Variants in LGSN observed in about 807,000 individuals in gnomAD.
LGSN encodes the protein lengsin.
Under a neutral mutation model 19.5 loss-of-function variants are expected in LGSN, and 21 were observed. The ratio of observed to expected loss-of-function variants is 1.07; its 90% CI spans 0.76 to 1.55. LGSN has a LOEUF of 1.55. LGSN is among the 40% of genes most tolerant of loss of function. The pLI is 0.00. For missense variants in LGSN, 673 were observed against 608.5 expected (o/e 1.11, Z -1.12); for synonymous variants, 257 against 215.6 (o/e 1.19, Z -1.68).
chr6:63,549,112 G>A, the LGSN span: 16 of 700,670 alleles, frequency 2.3e-5, no homozygotes, highest in Non-Finnish European at 3.6e-5. Context: ...AGGACAGGTG[G>A]TCTCTTAGTG....
the LGSN span, among the ~76,000 whole-genome samples, chr6:63,456,026 G>A: frequency 1.3e-5 from 2 of 151,426 alleles, no homozygotes; most frequent in East Asian, 3.9e-4. Flanking sequence ...TCAGGAGTTC[G>A]GGACCAGCCT....
chr6:63,302,548 A>G (rs1011065190), intron 1 of LGSN, among the ~76,000 whole-genome samples: 1 of 152,202 alleles, frequency 6.6e-6, no homozygotes, highest in African/African-American at 2.4e-5. Context: ...TAAAATTGCC[A>G]ACTTAAGTAG....
chr6:63,381,513 A>G, the LGSN span, among the ~76,000 whole-genome samples: 1 of 152,230 alleles, frequency 6.6e-6, no homozygotes, highest in Non-Finnish European at 1.5e-5. Flanking sequence ...GAAAAGTAAT[A>G]TCAAACAGGC....
the LGSN span, among the ~76,000 whole-genome samples, chr6:63,477,367 T>TA: frequency 6.6e-6 from 1 of 152,216 alleles, no homozygotes; most frequent in African/African-American, 2.4e-5. Context: ...TTGTTCTATG[T>TA]AAAAACATGT....
At chr6:63,393,254 A>G in the LGSN span, among the ~76,000 whole-genome samples, 2 of 150,612 alleles carry the variant, frequency 1.3e-5, no homozygotes, top group East Asian at 2.0e-4. Flanking sequence ...TGCAACCTCT[A>G]TCTCCTGGGT....
At chr6:63,394,635 T>C in the LGSN span, among the ~76,000 whole-genome samples, 3 of 152,182 alleles carry the variant, frequency 2.0e-5, no homozygotes, top group African/African-American at 7.2e-5. Flanking sequence ...AACCATTCTT[T>C]ATTCCTTTAC....
chr6:63,280,664 T>C lies in LGSN; in HGVS notation c.887A>G (p.Tyr296Cys), dbSNP rs1301824835. The change falls in exon 4 of 4, where the codon TAT (tyrosine) becomes TGT (cysteine). Residue 296 changes from tyrosine (Y) to cysteine (C), a missense_variant. Coordinates refer to ENST00000370657, the MANE Select transcript of LGSN (RefSeq NM_016571.3). The stretch of plus-strand genomic sequence containing the variant: ...AATGAAGAAGCTGGCAATGTAATTA[T>C]ATTTCCTTGCCACTTCTTTGACACC... ...RTGVKEVARK[Y>C]NYIASFFIET... 1.2e-6 allele frequency: 2 copies of C among 1,614,094 alleles called. No individual in the cohort carries two copies. The highest frequency in any genetic ancestry group is 1.7e-5 in the Admixed American group (1 of 60,014).
chr6:63,397,154 G>C, the LGSN span: 3 of 152,242 alleles, frequency 2.0e-5, no homozygotes, highest in Non-Finnish European at 4.4e-5. Flanking sequence ...ATTGGACCCT[G>C]GGCATTTCAG....
chr6:63,332,945 A>G, the LGSN span, among the ~76,000 whole-genome samples: 5,443 of 151,776 alleles, frequency 0.036, 331 homozygotes, highest in African/African-American at 0.12. Context: ...AAGGTGGTGC[A>G]TCTGGAGTTG....
At chr6:63,525,214 T>A in the LGSN span, among the ~76,000 whole-genome samples, 2 of 152,162 alleles carry the variant, frequency 1.3e-5, no homozygotes, top group African/African-American at 4.8e-5. Context: ...TCCTGGTGAA[T>A]TGTGTGTCTG....
At chr6:63,377,913 C>CAAAAAAAAAAAA in the LGSN span, among the ~76,000 whole-genome samples, 111 of 54,044 alleles carry the variant, frequency 2.1e-3, no homozygotes, top group Non-Finnish European at 2.9e-3. Context: ...GACTCCATCT[C>CAAAAAAAAAAAA]AAAAAAAAAA....
the LGSN span, among the ~76,000 whole-genome samples, chr6:63,356,434 C>T: frequency 2.6e-5 from 4 of 151,900 alleles, no homozygotes; most frequent in African/African-American, 9.7e-5. Flanking sequence ...CCCAGCTACT[C>T]GGGAGGCTGA....
chr6:63,533,613 G>T, the LGSN span, among the ~76,000 whole-genome samples: 1 of 152,050 alleles, frequency 6.6e-6, no homozygotes, highest in African/African-American at 2.4e-5. Context: ...TTATGGCTGA[G>T]GGACTAGAGC....
chr6:63,424,582 T>C, the LGSN span, among the ~76,000 whole-genome samples: 1 of 151,534 alleles, frequency 6.6e-6, no homozygotes, highest in Non-Finnish European at 1.5e-5. Flanking sequence ...GCAGAATACA[T>C]ATCCAAGAAA....
the LGSN span, among the ~76,000 whole-genome samples, chr6:63,391,697 G>A: frequency 6.6e-6 from 1 of 152,144 alleles, no homozygotes; most frequent in Non-Finnish European, 1.5e-5. Flanking sequence ...TTCTTGCTGG[G>A]CAGAGTTCAG....
At chr6:63,400,102 T>C in the LGSN span, among the ~76,000 whole-genome samples, 1 of 152,222 alleles carries the variant, frequency 6.6e-6, no homozygotes, top group African/African-American at 2.4e-5. Flanking sequence ...CTTTTAATAT[T>C]CAGTATCGTG....
chr6:63,456,097 G>A, the LGSN span, among the ~76,000 whole-genome samples: 1 of 151,332 alleles, frequency 6.6e-6, no homozygotes, highest in African/African-American at 2.4e-5. Context: ...AGGTCTGATG[G>A]TGGGCACCTG....
intron 1 of LGSN, among the ~76,000 whole-genome samples, chr6:63,310,037 C>G (rs987410039): frequency 2.0e-5 from 3 of 152,196 alleles, no homozygotes; most frequent in African/African-American, 7.2e-5. Context: ...ATAATCCAGG[C>G]TCTCAACAAT....
the LGSN span, among the ~76,000 whole-genome samples, chr6:63,520,368 T>C: frequency 6.6e-6 from 1 of 152,206 alleles, no homozygotes; most frequent in Non-Finnish European, 1.5e-5. Flanking sequence ...GGCTCATGCC[T>C]GTAATCCCAG....
Sources: gnomAD v4.1 joint callset for allele counts (sites outside exome capture counted in the v4.1 genomes callset) on GRCh38, gnomAD v4.1.1 for gene constraint, MANE v1.5 for transcripts, NCBI Gene and HGNC (gene_info 2026-07-23, HGNC 2026-07-21) for gene names.